Variants in KDM3B observed in about 807,000 individuals in gnomAD.
KDM3B encodes lysine-specific demethylase 3B.
Under a neutral mutation model 170.0 loss-of-function variants are expected in KDM3B, and 10 were observed. The ratio of observed to expected loss-of-function variants is 0.06; its 90% confidence interval spans 0.04 to 0.10. KDM3B has a LOEUF of 0.10. Ranked by LOEUF, KDM3B falls within the 10% of genes least tolerant of loss-of-function variation. The pLI is 1.00. For synonymous variants in KDM3B, 831 were observed against 834.8 expected, an observed-to-expected ratio of 1.00 and a Z score of 0.08; for missense variants, 1,394 against 2,195.2, an observed-to-expected ratio of 0.64 and a Z score of 7.29.
At chr5:138,382,113 T>A (rs192095294) in intron 6 of KDM3B, among the ~76,000 whole-genome samples, 141 of 152,228 alleles carry the variant, frequency 9.3e-4, no homozygotes, top group African/African-American at 3.3e-3. Context: ...AGCCCAACTC[T>A]TGGTTTATTC....
chr5:138,427,094 AG>A, intron 18 of KDM3B, 29 bp downstream of exon 18: 2 of 1,610,972 alleles, frequency 1.2e-6, no homozygotes, highest in Non-Finnish European at 1.7e-6. Flanking sequence ...TGTCATCTTC[AG>A]AAGCCATCAC....
intron 9 of KDM3B, among the ~76,000 whole-genome samples, chr5:138,397,325 ACT>A (rs1476388219): frequency 6.6e-6 from 1 of 151,810 alleles, no homozygotes; most frequent in Admixed American, 6.6e-5. Context: ...GCAGAGCGAG[ACT>A]CTGTCTCAAA....
chr5:138,376,894 A>G (rs922556231), intron 3 of KDM3B, among the ~76,000 whole-genome samples: 1 of 152,184 alleles, frequency 6.6e-6, no homozygotes, highest in Non-Finnish European at 1.5e-5. Flanking sequence ...CGTCTGAGTT[A>G]TAGTTTCAGA....
At chr5:138,405,815 A>G (rs1468625173) in intron 11 of KDM3B, among the ~76,000 whole-genome samples, 1 of 151,056 alleles carries the variant, frequency 6.6e-6, no homozygotes, top group East Asian at 1.9e-4. Context: ...ATATAATAGC[A>G]GCACAGAGGA....
At position 138,375,159 on chromosome 5, in the gene KDM3B, C is replaced by A. The variant is rs201211181; in HGVS notation, c.427C>A (p.Arg143=). ...GGTTCCAGTGGAATATCTTCTGGAT[C>A]GAGAGCTTCGGTTCCTGTCAGATGC... is the stretch of plus-strand genomic sequence containing the variant. ...SVVPVEYLLD[R]ELRFLSDANG... is the part of the protein sequence containing the mutation. Residue 143 remains arginine (R), a synonymous_variant, in exon 3 of 24, where the codon CGA becomes AGA. Transcript: ENST00000314358. 6.2e-7 allele frequency: 1 copy of A among 1,613,796 alleles called. No individual in the cohort carries two copies. Among genetic ancestry groups the A allele is most frequent in the East Asian group, 2.2e-5 (1 of 44,856 alleles).
chr5:138,375,263 T>C, intron 3 of KDM3B, 57 bp downstream of exon 3: 1 of 1,105,220 alleles, frequency 9.0e-7, no homozygotes, highest in South Asian at 1.3e-5. Flanking sequence ...CTAATTTCTT[T>C]GTTGATATAA....
intron 9 of KDM3B, among the ~76,000 whole-genome samples, chr5:138,397,137 T>C (rs1047936408): frequency 1.3e-5 from 2 of 152,058 alleles, no homozygotes; most frequent in Non-Finnish European, 2.9e-5. Flanking sequence ...GAGACCATCC[T>C]GGCTTAACAT....
chr5:138,391,367 A>C lies in KDM3B; in HGVS notation c.1735A>C (p.Thr579Pro). The C allele has an allele frequency of 2.5e-6, 4 of 1,614,152 alleles. No homozygotes were observed. Among genetic ancestry groups the C allele is most frequent in the Non-Finnish European group, 3.4e-6 (4 of 1,180,006 alleles). ...AGGCAGATCCGTTCTTGGAACAGAC[A>C]CTAAGCCAGGCTCTAAGGCTGGCAG... ...CKGRSVLGTD[T>P]KPGSKAGSSV... Residue 579 changes from threonine to proline, a missense_variant, in exon 8 of 24, where the codon ACT (threonine) becomes CCT (proline). By Grantham distance (38) the Thr-to-Pro change is conservative. This residue lies in a region of KDM3B where 294 missense variants were observed against 311.7 expected (regional missense o/e 0.94). Transcript: ENST00000314358. The surrounding 1 kb of genome is among the most constrained non-coding windows in gnomAD (Gnocchi z 5.0).
At chr5:138,384,856 G>A (rs1437490063) in intron 6 of KDM3B, among the ~76,000 whole-genome samples, 1 of 149,728 alleles carries the variant, frequency 6.7e-6, no homozygotes, top group Non-Finnish European at 1.5e-5. Context: ...GGAGGTTGCA[G>A]TGAGCCAAGA....
chr5:138,372,769 T>C lies in KDM3B; in HGVS notation c.288T>C (p.Leu96=). The C allele has an allele frequency of 6.2e-7, 1 of 1,614,140 alleles. No homozygotes were observed. The highest frequency in any genetic ancestry group is 8.5e-7 in the Non-Finnish European group (1 of 1,180,016). ...TCGTGCTTCTGCTGGAAGGGTCTCT[T>C]GTATGGGCGCCCCGTGAGGACCCAG... ...EVIVLLLEGS[L]VWAPREDPVL... is the part of the protein sequence containing the mutation. The change falls in exon 2 of 24, where the codon CTT becomes CTC. Residue 96 remains leucine, a synonymous_variant. Coordinates refer to ENST00000314358, the MANE Select transcript of KDM3B (RefSeq NM_016604.4).
At position 138,391,910 on chromosome 5, in the gene KDM3B, C is replaced by G. The variant is rs1325861632; in HGVS notation, c.2278C>G (p.Pro760Ala). ...PTVGPGQQDNPLLKTFSNVFG... is the reference protein window; with the variant it reads ...PTVGPGQQDNALLKTFSNVFG... ...TGTGGGGCCTGGGCAGCAGGACAAT[C>G]CCCTCCTCAAAACCTTTAGTAACGT... The change falls in exon 8 of 24, where the codon CCC (proline) becomes GCC (alanine). Residue 760 changes from proline (P) to alanine (A), a missense_variant. Physicochemically the swap from Pro to Ala is conservative, Grantham distance 27. Coordinates refer to ENST00000314358, the MANE Select transcript of KDM3B (RefSeq NM_016604.4). This position sits in a 1 kb window ranked among gnomAD's most constrained non-coding sequence, Gnocchi z 5.0. 3.1e-6 allele frequency: 5 copies of G among 1,613,518 alleles called. No homozygotes were observed. The highest frequency in any genetic ancestry group is 4.2e-6 in the Non-Finnish European group (5 of 1,179,520).
intron 1 of KDM3B, among the ~76,000 whole-genome samples, chr5:138,368,126 G>A (rs1228019129): frequency 6.6e-6 from 1 of 151,848 alleles, no homozygotes; most frequent in Non-Finnish European, 1.5e-5. Context: ...CCTTATTTTT[G>A]CTAGTTTATA....
rs1180329365 is a variant in KDM3B at position 138,352,708 on chromosome 5, G to A, written c.-88G>A. On this transcript the variant is annotated 5_prime_UTR_variant, in exon 1 of 24. Transcript: ENST00000314358. Reference sequence around the variant, plus strand: ...GGGAACGGCGGCCGCGGGTGGTGCGGAGGGAGGCCTTGCGGGCGGATCGGG... The same window carrying A: ...GGGAACGGCGGCCGCGGGTGGTGCGAAGGGAGGCCTTGCGGGCGGATCGGG... 1 of 1,057,628 alleles carries A rather than the reference G, an allele frequency of 9.5e-7. No homozygotes were observed. The highest frequency in any genetic ancestry group is 1.2e-6 in the Non-Finnish European group (1 of 847,706). 65.5% of individuals were successfully genotyped at this position (1,057,628 alleles called of 1,614,324 possible). A position where few individuals can be genotyped will look rare whatever the true frequency, so the allele number is the denominator to read the frequency against.
intron 20 of KDM3B, among the ~76,000 whole-genome samples, chr5:138,428,815 G>A (rs1009589086): frequency 3.3e-5 from 5 of 151,920 alleles, no homozygotes; most frequent in African/African-American, 1.2e-4. Flanking sequence ...ATATTTTGCT[G>A]TATTTATACT....
intron 10 of KDM3B, 65 bp downstream of exon 10, chr5:138,398,457 A>G (rs1762599753): frequency 4.2e-6 from 6 of 1,436,340 alleles, no homozygotes; most frequent in Non-Finnish European, 5.8e-6. Context: ...TCTTTCACTT[A>G]ACGGGAAGAT....
intron 13 of KDM3B, 137 bp downstream of exon 13, chr5:138,417,747 A>T: frequency 1.2e-6 from 1 of 843,546 alleles, no homozygotes; most frequent in Non-Finnish European, 1.9e-6. Flanking sequence ...CTTTCTAGAG[A>T]GAGCTTAAAT....
intron 1 of KDM3B, among the ~76,000 whole-genome samples, chr5:138,354,972 A>T (rs1761414532): frequency 6.6e-6 from 1 of 152,250 alleles, no homozygotes; most frequent in Non-Finnish European, 1.5e-5. Flanking sequence ...TCTATTAATG[A>T]CAATGACCAG....
chr5:138,352,848 C>T lies in KDM3B; in HGVS notation c.53C>T (p.Ala18Val), dbSNP rs1761360834. The change falls in exon 1 of 24, where the codon GCG becomes GTG. Residue 18 changes from alanine (A) to valine (V), a missense_variant. Physicochemically the swap from Ala to Val is moderately conservative, Grantham distance 64 (BLOSUM62 0). Transcript: ENST00000314358. ...GGCAAGCGGCTGCTGCTGCTGTTCGCGGACACTGCGGCCTCAGCCTCGGCC... is the reference window on the plus strand; with the variant it reads ...GGCAAGCGGCTGCTGCTGCTGTTCGTGGACACTGCGGCCTCAGCCTCGGCC... ...PVGKRLLLLF[A>V]DTAASASASA... The T allele has an allele frequency of 7.3e-7, 1 of 1,370,720 alleles. No individual in the cohort carries two copies. The highest frequency in any genetic ancestry group is 1.6e-5 in the South Asian group (1 of 64,110). 84.9% of individuals were successfully genotyped at this position (1,370,720 alleles called of 1,614,324 possible). A position where few individuals can be genotyped will look rare whatever the true frequency, so the allele number is the denominator to read the frequency against.
intron 11 of KDM3B, among the ~76,000 whole-genome samples, chr5:138,400,894 C>G (rs2126963556): frequency 7.2e-6 from 1 of 139,614 alleles, no homozygotes; most frequent in South Asian, 2.2e-4. Flanking sequence ...CCACTTTTTT[C>G]TCTTTTTTTT....
Sources: allele counts gnomAD v4.1 joint callset (sites outside exome capture counted in the v4.1 genomes callset), GRCh38; gene constraint gnomAD v4.1.1; regional missense constraint gnomAD v4.1.1; non-coding constraint Gnocchi (gnomAD v3.1); transcripts MANE v1.5; gene names NCBI Gene and HGNC (gene_info 2026-07-23, HGNC 2026-07-21).